The following SPART variants were observed in gnomAD, a reference collection of about 807,000 sequenced individuals.
SPART encodes the protein spartin, also known as spastic paraplegia 20 (Troyer syndrome).
A neutral mutation model predicts 58.7 loss-of-function variants in SPART; 35 were observed. That is an observed-to-expected ratio of 0.60 (90% CI 0.46 to 0.79). The LOEUF (loss-of-function observed/expected upper bound fraction) is 0.79. Among genes scored for constraint, SPART ranks in the 30% least tolerant of loss-of-function variants. The probability of loss-of-function intolerance (pLI) is 0.00; values close to 1 mark genes in which losing one functional copy is unlikely to be tolerated. For missense variants in SPART, 730 were observed against 786.1 expected, an observed-to-expected ratio of 0.93 and a Z score of 0.85; for synonymous variants, 284 against 280.7, an observed-to-expected ratio of 1.01 and a Z score of -0.12.
chr13:36,321,343 A>G (rs1882361822), intron 5 of SPART, among the ~76,000 whole-genome samples: 1 of 152,206 alleles, frequency 6.6e-6, no homozygotes, highest in African/African-American at 2.4e-5. Flanking sequence ...AAGTAAATAA[A>G]TAATCTTTGC....
At chr13:36,346,874 A>G (rs1023238715), upstream of SPART, 1 of 152,234 alleles carries the variant, frequency 6.6e-6, no homozygotes, top group Non-Finnish European at 1.5e-5. Context: ...CACGAGAGAC[A>G]ATAAAGGCTG....
chr13:36,335,544 T>C lies in SPART; in HGVS notation c.287A>G (p.Glu96Gly), dbSNP rs1883916844. 2 of 1,614,176 alleles carry C rather than the reference T, an allele frequency of 1.2e-6. No individual in the cohort carries two copies. The highest frequency in any genetic ancestry group is 4.5e-5 in the East Asian group (2 of 44,892). The part of the protein sequence containing the change: ...QNVRTRLEIL[E>G]KGLATSLQND... ...CTGCAGAGAAGTGGCAAGACCCTTC[T>C]CTAGAATTTCCAGCCTGGTGCGTAC... Residue 96 changes from glutamate (E) to glycine (G), a missense_variant, in exon 2 of 9, where the codon GAG (glutamate) becomes GGG (glycine). By Grantham distance (98) the Glu-to-Gly change is moderately conservative. Transcript: ENST00000438666.
chr13:36,357,135 C>T (rs536652638), intron 1 of SPART, among the ~76,000 whole-genome samples: 3 of 152,284 alleles, frequency 2.0e-5, no homozygotes, highest in Non-Finnish European at 4.4e-5. Flanking sequence ...TAAGAACCCT[C>T]CTTGGAGTGA....
In SPART at chr13:36,301,984, A is replaced by C. The variant is rs1467486714; in HGVS notation, c.*2381T>G. On this transcript the variant is annotated 3_prime_UTR_variant, in exon 9 of 9. Coordinates refer to ENST00000438666, the MANE Select transcript of SPART (RefSeq NM_015087.5). ...AAGAATGAATTTTAAACATAAACTC[A>C]AAAAAGCAAGTTGAGTAAGACTTCA... The C allele has an allele frequency of 6.6e-6, 1 of 152,204 alleles. No homozygotes were observed. The highest frequency in any genetic ancestry group is 1.5e-5 in the Non-Finnish European group (1 of 68,040). 9.4% of individuals were successfully genotyped at this position (152,204 alleles called of 1,614,324 possible).
At chr13:36,319,739 TC>T (rs1882166102) in intron 5 of SPART, among the ~76,000 whole-genome samples, 1 of 140,420 alleles carries the variant, frequency 7.1e-6, no homozygotes, top group South Asian at 2.4e-4. Flanking sequence ...TCCCAGCCTT[TC>T]TTCGCTTTCA....
chr13:36,309,545 C>G (rs1299131880), intron 8 of SPART, among the ~76,000 whole-genome samples: 1 of 141,772 alleles, frequency 7.1e-6, no homozygotes, highest in Non-Finnish European at 1.6e-5. Context: ...CCATGGAATA[C>G]TACACAGCCC....
At chr13:36,347,330 T>A (rs1885210506), upstream of SPART, among the ~76,000 whole-genome samples, 1 of 152,148 alleles carries the variant, frequency 6.6e-6, no homozygotes, top group African/African-American at 2.4e-5. Flanking sequence ...GCGACTCTCA[T>A]GCCTCAGCCT....
chr13:36,309,733 G>C (rs1052892673), intron 8 of SPART, among the ~76,000 whole-genome samples: 1 of 152,244 alleles, frequency 6.6e-6, no homozygotes, highest in East Asian at 1.9e-4. Context: ...CTAGGCCGGG[G>C]AGGGAGGAGG....
upstream of SPART, among the ~76,000 whole-genome samples, chr13:36,348,607 TATC>T (rs79284304): frequency 0.25 from 37,842 of 151,946 alleles, 5,205 homozygotes; most frequent in East Asian, 0.51. Flanking sequence ...TTCATAATAT[TATC>T]AAGAAGAATA....
At chr13:36,348,274 G>C (rs1885267402), upstream of SPART, among the ~76,000 whole-genome samples, 1 of 152,190 alleles carries the variant, frequency 6.6e-6, no homozygotes, top group Admixed American at 6.5e-5. Flanking sequence ...AATAGAGCCA[G>C]ACCCTGTACC....
intron 7 of SPART, 30 bp downstream of exon 7, chr13:36,312,289 T>C (rs1881204961): frequency 6.2e-7 from 1 of 1,613,980 alleles, no homozygotes; most frequent in Non-Finnish European, 8.5e-7. Context: ...AAACGGACCT[T>C]CATAGTTAAA....
intron 1 of SPART, among the ~76,000 whole-genome samples, chr13:36,368,890 T>G (rs551780701): frequency 3.9e-4 from 60 of 152,230 alleles, no homozygotes; most frequent in Non-Finnish European, 7.6e-4. Context: ...TCCCAGCTAC[T>G]CGGGAGGCTG....
chr13:36,345,904 C>A (rs1012394090), intron 1 of SPART, among the ~76,000 whole-genome samples: 1 of 152,100 alleles, frequency 6.6e-6, no homozygotes, highest in Non-Finnish European at 1.5e-5. Flanking sequence ...AATAGCGATG[C>A]TCCGAAAGGA....
intron 5 of SPART, among the ~76,000 whole-genome samples, chr13:36,316,204 A>T (rs1357800084): frequency 6.6e-6 from 1 of 152,194 alleles, no homozygotes; most frequent in Non-Finnish European, 1.5e-5. Context: ...ACTCAAACCT[A>T]ACTACTACAG....
chr13:36,337,425 G>A (rs373299017), intron 1 of SPART, among the ~76,000 whole-genome samples: 21 of 152,290 alleles, frequency 1.4e-4, no homozygotes, highest in Middle Eastern at 3.4e-3. Flanking sequence ...CCCCGTGGGA[G>A]ATGACTGGAT....
At chr13:36,322,036 T>A (rs1403112050) in intron 5 of SPART, among the ~76,000 whole-genome samples, 3 of 152,080 alleles carry the variant, frequency 2.0e-5, no homozygotes, top group African/African-American at 7.2e-5. Flanking sequence ...GACTGTAATT[T>A]TCCTTTACCT....
At chr13:36,330,234 T>G (rs7327507) in intron 3 of SPART, among the ~76,000 whole-genome samples, 15 of 152,212 alleles carry the variant, frequency 9.9e-5, no homozygotes, top group African/African-American at 3.4e-4. Flanking sequence ...CAGTAAACAG[T>G]GAAGTGAAGA....
chr13:36,305,105 G>T (rs1001314927), intron 8 of SPART, among the ~76,000 whole-genome samples: 6 of 151,986 alleles, frequency 3.9e-5, no homozygotes, highest in Non-Finnish European at 8.8e-5. Context: ...AGATTCTATG[G>T]CATTCTCCCC....
At position 36,312,293 on chromosome 13, in the gene SPART, A is replaced by G. The variant is rs373195750; in HGVS notation, c.1642+26T>C. On this transcript the variant is annotated intron_variant, in intron 7 of 8. Coordinates refer to ENST00000438666, the MANE Select transcript of SPART (RefSeq NM_015087.5). ...TAGTCCAAAGCAAACGGACCTTCAT[A>G]GTTAAAATTCTGGGCCCTTTGTTAC... 198 of 1,614,020 alleles carry G rather than the reference A, an allele frequency of 1.2e-4. No individual in the cohort carries two copies. The African/African-American group carries it at 2.4e-3, about 20-fold the overall frequency.
Sources: allele counts gnomAD v4.1 joint callset (sites outside exome capture counted in the v4.1 genomes callset), GRCh38; gene constraint gnomAD v4.1.1; transcripts MANE v1.5; gene names NCBI Gene and HGNC (gene_info 2026-07-23, HGNC 2026-07-21).